The following CNTN3 variants were observed in gnomAD, a reference collection of about 807,000 sequenced individuals.
CNTN3 encodes contactin 3.
CNTN3 carries 60 observed loss-of-function variants against 119.1 expected under a neutral mutation model. That is an observed-to-expected ratio of 0.50 (90% CI 0.41 to 0.62). The LOEUF (loss-of-function observed/expected upper bound fraction) is 0.62, where lower values mean the gene tolerates loss of function less well. Ranked by LOEUF, CNTN3 falls within the 20% of genes least tolerant of loss-of-function variation. The pLI, the probability that CNTN3 is intolerant of heterozygous loss-of-function variation, is 0.00. For missense variants in CNTN3, 1,101 were observed against 1,242.4 expected (o/e 0.89, Z 1.71); for synonymous variants, 450 against 438.7 (o/e 1.03, Z -0.32).
At chr3:74,364,942 T>A (rs1704155349) in intron 9 of CNTN3, among the ~76,000 whole-genome samples, 1 of 152,166 alleles carries the variant, frequency 6.6e-6, no homozygotes, top group Non-Finnish European at 1.5e-5. Context: ...TTGATTTTTA[T>A]CCCATCAGTT....
At chr3:74,360,722 A>C (rs938161634) in intron 11 of CNTN3, among the ~76,000 whole-genome samples, 1 of 152,078 alleles carries the variant, frequency 6.6e-6, no homozygotes, top group African/African-American at 2.4e-5. Flanking sequence ...GTGGTCATGG[A>C]ACCAAGGTCC....
At chr3:74,435,004 C>T (rs1701842655) in intron 4 of CNTN3, among the ~76,000 whole-genome samples, 3 of 152,158 alleles carry the variant, frequency 2.0e-5, no homozygotes, top group African/African-American at 7.2e-5. Flanking sequence ...CTTCCAACTT[C>T]CCTGTTGTTA....
chr3:74,508,454 G>A (rs1703304507), intron 2 of CNTN3, among the ~76,000 whole-genome samples: 1 of 152,078 alleles, frequency 6.6e-6, no homozygotes, highest in Non-Finnish European at 1.5e-5. Context: ...ATTGGGGTAT[G>A]TCTTAGAGTT....
At chr3:74,532,152 G>A (rs185464112) in intron 1 of CNTN3, among the ~76,000 whole-genome samples, 61 of 152,110 alleles carry the variant, frequency 4.0e-4, no homozygotes, top group African/African-American at 1.4e-3. Context: ...CAGCCACATA[G>A]TGGTGGGTAG....
In CNTN3 at chr3:74,486,786, A is replaced by G. The variant is rs13318730; in HGVS notation, c.183-155T>C. On this transcript the variant is annotated intron_variant, in intron 3 of 22. Transcript: ENST00000263665. Reference sequence around the variant, plus strand: ...CATAACTGAAGATCAAATATGCCCAAGTATTTATCAGAAACGAAAAGTTAA... The same window carrying G: ...CATAACTGAAGATCAAATATGCCCAGGTATTTATCAGAAACGAAAAGTTAA... Among the ~76,000 whole-genome samples the G allele has an allele frequency of 5.8e-3, 880 of 152,312 alleles. 11 individuals carry two copies. Among genetic ancestry groups the G allele is most frequent in the African/African-American group, 0.02 (841 of 41,570 alleles).
chr3:74,494,614 A>G (rs1703026322), intron 3 of CNTN3, among the ~76,000 whole-genome samples: 2 of 152,122 alleles, frequency 1.3e-5, no homozygotes. Context: ...ATCTTACAGA[A>G]TCAACTATTA....
At chr3:74,549,106 G>C (rs1703953209) in intron 1 of CNTN3, among the ~76,000 whole-genome samples, 1 of 152,168 alleles carries the variant, frequency 6.6e-6, no homozygotes, top group Admixed American at 6.5e-5. Flanking sequence ...TAGTGCTGGA[G>C]GTGAGGCTCT....
At chr3:74,451,673 T>C (rs1367205766) in intron 4 of CNTN3, among the ~76,000 whole-genome samples, 1 of 151,624 alleles carries the variant, frequency 6.6e-6, no homozygotes, top group Non-Finnish European at 1.5e-5. Flanking sequence ...CTTTAATCCA[T>C]CTTGAATTGA....
chr3:74,284,583 C>T (rs1311145205), intron 20 of CNTN3, among the ~76,000 whole-genome samples: 1 of 152,244 alleles, frequency 6.6e-6, no homozygotes, highest in Middle Eastern at 3.4e-3. Flanking sequence ...ACAATAGTAA[C>T]TTAAACATTT....
intron 1 of CNTN3, among the ~76,000 whole-genome samples, chr3:74,566,956 G>C (rs868230882): frequency 6.6e-6 from 1 of 152,126 alleles, no homozygotes; most frequent in East Asian, 1.9e-4. Context: ...CTTTCCACTG[G>C]CTGAATCCAA....
At chr3:74,417,019 C>A (rs144757167) in intron 5 of CNTN3, among the ~76,000 whole-genome samples, 25 of 151,776 alleles carry the variant, frequency 1.6e-4, no homozygotes, top group African/African-American at 5.6e-4. Flanking sequence ...AAGCAACAGA[C>A]CTAGGTGCCC....
At chr3:74,401,338 T>C (rs1181600473) in intron 5 of CNTN3, among the ~76,000 whole-genome samples, 4 of 152,164 alleles carry the variant, frequency 2.6e-5, no homozygotes, top group Admixed American at 1.3e-4. Context: ...CTAGTTTTCA[T>C]AAAAGCATGC....
chr3:74,423,163 G>A (rs1053352827), intron 5 of CNTN3, among the ~76,000 whole-genome samples: 6 of 152,262 alleles, frequency 3.9e-5, no homozygotes, highest in Admixed American at 2.0e-4. Context: ...TGAATCCAAC[G>A]GATTGAGTTT....
At chr3:74,509,885 C>T (rs928625822) in intron 2 of CNTN3, among the ~76,000 whole-genome samples, 1 of 152,064 alleles carries the variant, frequency 6.6e-6, no homozygotes, top group Non-Finnish European at 1.5e-5. Context: ...ATCACAACAT[C>T]ATTATCCTAT....
intron 4 of CNTN3, among the ~76,000 whole-genome samples, chr3:74,467,962 T>G (rs1575755890): frequency 6.6e-6 from 1 of 152,230 alleles, no homozygotes; most frequent in Non-Finnish European, 1.5e-5. Flanking sequence ...GCATTCAATC[T>G]ACTTCTATTG....
Position 74,266,595 on chromosome 3 carries a change from T to C in CNTN3, c.2872A>G (p.Thr958Ala), listed in dbSNP as rs376101905. The change falls in exon 22 of 23, where the codon ACT becomes GCT. Residue 958 changes from threonine (T) to alanine (A), a missense_variant. By Grantham distance (58) the Thr-to-Ala change is moderately conservative. Transcript: ENST00000263665. Reference protein sequence around the residue: ...NNVQVLNTNKTSAELVLPIKE... With the variant: ...NNVQVLNTNKASAELVLPIKE... ...ATGGGCAGCACAAGTTCAGCTGAAGTTTTATTTGTGTTCAGTACTTGTACG... is the reference window on the plus strand; with the variant it reads ...ATGGGCAGCACAAGTTCAGCTGAAGCTTTATTTGTGTTCAGTACTTGTACG... The C allele has an allele frequency of 5.0e-6, 8 of 1,613,446 alleles. No homozygotes were observed. Among genetic ancestry groups the C allele is most frequent in the African/African-American group, 4.0e-5 (3 of 74,886 alleles).
intron 4 of CNTN3, among the ~76,000 whole-genome samples, chr3:74,469,091 A>G (rs1190891064): frequency 6.6e-6 from 1 of 152,214 alleles, no homozygotes; most frequent in Non-Finnish European, 1.5e-5. Context: ...TTCATAGCAT[A>G]AATTCTAATC....
intron 5 of CNTN3, among the ~76,000 whole-genome samples, chr3:74,392,865 T>C (rs1704950393): frequency 6.6e-6 from 1 of 152,134 alleles, no homozygotes; most frequent in Non-Finnish European, 1.5e-5. Flanking sequence ...CCATGTTAAG[T>C]GGACAGCTTG....
chr3:74,403,934 AT>A (rs1705258296), intron 5 of CNTN3, among the ~76,000 whole-genome samples: 1 of 151,590 alleles, frequency 6.6e-6, no homozygotes, highest in African/African-American at 2.4e-5. Context: ...TTGTAAAACA[AT>A]TTTCTACTCG....
Sources: allele counts gnomAD v4.1 joint callset (sites outside exome capture counted in the v4.1 genomes callset), GRCh38; gene constraint gnomAD v4.1.1; transcripts MANE v1.5; gene names NCBI Gene and HGNC (gene_info 2026-07-23, HGNC 2026-07-21).